Variants in PRPF6 observed in about 807,000 individuals in gnomAD.
The protein encoded by PRPF6 is pre-mRNA-processing factor 6.
In PRPF6, 42 loss-of-function variants were observed where a neutral mutation model predicts 118.3. The observed-to-expected ratio is 0.35, with a 90% confidence interval of 0.28 to 0.46. The LOEUF is 0.46. Among genes scored for constraint, PRPF6 ranks in the 20% least tolerant of loss-of-function variants. The probability of loss-of-function intolerance (pLI) is 1.00; values close to 1 mark genes in which losing one functional copy is unlikely to be tolerated. For missense variants in PRPF6, 662 were observed against 1,255.7 expected, an observed-to-expected ratio of 0.53 and a Z score of 7.15; for synonymous variants, 481 against 485.1, an observed-to-expected ratio of 0.99 and a Z score of 0.11.
chr20:63,982,533 G>A (rs1246338469), intron 1 of PRPF6, among the ~76,000 whole-genome samples: 1 of 152,216 alleles, frequency 6.6e-6, no homozygotes, highest in Non-Finnish European at 1.5e-5. Flanking sequence ...GGTTGAAGTA[G>A]AGGAAGGCTA....
chr20:63,989,804 C>T (rs1422053900), intron 3 of PRPF6, among the ~76,000 whole-genome samples: 2 of 151,770 alleles, frequency 1.3e-5, no homozygotes, highest in African/African-American at 4.8e-5. Context: ...TGAGCCACTG[C>T]GCCCAGCTCT....
intron 6 of PRPF6, among the ~76,000 whole-genome samples, chr20:63,995,772 T>C (rs1199069225): frequency 2.6e-5 from 4 of 151,934 alleles, no homozygotes; most frequent in African/African-American, 9.7e-5. Context: ...TTCTCCTACC[T>C]CAGCCTCCTG....
At chr20:63,994,885 A>T (rs767430134) in intron 4 of PRPF6, 31 bp from the exon 5 acceptor site, 19 of 1,613,862 alleles carry the variant, frequency 1.2e-5, no homozygotes, top group Middle Eastern at 1.6e-4. Context: ...CTGTCAGAGA[A>T]TTAATGTTTT....
At chr20:63,992,777 A>C (rs977792447) in intron 3 of PRPF6, among the ~76,000 whole-genome samples, 1 of 151,984 alleles carries the variant, frequency 6.6e-6, no homozygotes, top group African/African-American at 2.4e-5. Context: ...TGTGTTGCCC[A>C]GGCTGGAGTG....
intron 14 of PRPF6, 147 bp downstream of exon 14, chr20:64,024,840 A>G (rs1332282453): frequency 3.9e-6 from 5 of 1,272,232 alleles, no homozygotes; most frequent in African/African-American, 1.5e-5. Context: ...CCACAGGAGC[A>G]GGGGCCGTGA....
intron 9 of PRPF6, 42 bp downstream of exon 9, chr20:64,001,281 C>A: frequency 6.2e-7 from 1 of 1,608,292 alleles, no homozygotes; most frequent in Non-Finnish European, 8.5e-7. Flanking sequence ...CTCCTTGGGG[C>A]CCCTCCTCTC....
chr20:64,022,660 T>A, intron 12 of PRPF6, 97 bp from the exon 13 acceptor site: 1 of 1,541,244 alleles, frequency 6.5e-7, no homozygotes, highest in Non-Finnish European at 8.9e-7. Flanking sequence ...CTAGCAGATA[T>A]CATCTTTCAG....
At chr20:63,982,402 C>T (rs2059073963) in intron 1 of PRPF6, among the ~76,000 whole-genome samples, 1 of 151,952 alleles carries the variant, frequency 6.6e-6, no homozygotes, top group Non-Finnish European at 1.5e-5. Context: ...GAACTCCTGA[C>T]CTCATGATCC....
intron 2 of PRPF6, 49 bp downstream of exon 2, chr20:63,983,264 A>C: frequency 6.2e-7 from 1 of 1,610,964 alleles, no homozygotes; most frequent in Non-Finnish European, 8.5e-7. Flanking sequence ...CTCTGGGAGC[A>C]GCTGACCTAA....
rs774199266 is a variant in PRPF6, at chr20:64,032,897, G to A, written c.2730G>A (p.Glu910=). 1 of 1,613,270 alleles carries A rather than the reference G, an allele frequency of 6.2e-7. No homozygotes were observed. The change falls in exon 21 of 21, where the codon GAG becomes GAA. Residue 910 remains glutamate (E), a synonymous_variant. Transcript: ENST00000266079. ...AGAGTGCAGAGCCTCGGCATGGGGA[G>A]CTGTGGTGCGCCGTGTCCAAGGACA... ...RCESAEPRHG[E]LWCAVSKDIA... is the part of the protein sequence containing the mutation.
intron 3 of PRPF6, among the ~76,000 whole-genome samples, chr20:63,993,157 A>G (rs2059125608): frequency 1.3e-5 from 2 of 150,548 alleles, no homozygotes; most frequent in East Asian, 2.0e-4. Context: ...TGGAGGTTGC[A>G]GTGAGCTGAG....
Position 64,001,194 on chromosome 20 carries a change from G to C in PRPF6, c.1141G>C (p.Glu381Gln). The change falls in exon 9 of 21, where the codon GAG becomes CAG. Residue 381 changes from glutamate to glutamine, a missense_variant. Physicochemically the swap from Glu to Gln is conservative, Grantham distance 29. Around this residue, in one of 10 missense-constraint regions of PRPF6, gnomAD observed 189 missense variants for 323.5 expected, o/e 0.58. Coordinates refer to ENST00000266079, the MANE Select transcript of PRPF6 (RefSeq NM_012469.4). Reference sequence around the variant, plus strand: ...TGTCAGGATTTACATCAGAGCCGCAGAGCTGGAAACGGACATTCGTGCAAA... The same window carrying C: ...TGTCAGGATTTACATCAGAGCCGCACAGCTGGAAACGGACATTCGTGCAAA... ...QSVRIYIRAA[E>Q]LETDIRAKKR... The C allele has an allele frequency of 4.3e-6, 7 of 1,614,246 alleles. No individual in the cohort carries two copies. The highest frequency in any genetic ancestry group is 5.9e-6 in the Non-Finnish European group (7 of 1,180,048).
chr20:63,998,471 G>T (rs1305496171), intron 6 of PRPF6, among the ~76,000 whole-genome samples: 1 of 150,872 alleles, frequency 6.6e-6, no homozygotes, highest in Non-Finnish European at 1.5e-5. Context: ...GGAGCTGGAG[G>T]CTGCACTGAG....
chr20:63,993,340 A>G (rs570368726), intron 3 of PRPF6, 67 bp from the exon 4 acceptor site: 11 of 1,164,238 alleles, frequency 9.4e-6, no homozygotes, highest in Admixed American at 3.5e-5. Context: ...TTTAATTGAG[A>G]TGGATAATAA....
chr20:63,988,481 A>G (rs772954039), intron 3 of PRPF6, among the ~76,000 whole-genome samples: 1 of 152,042 alleles, frequency 6.6e-6, no homozygotes, highest in Non-Finnish European at 1.5e-5. Context: ...TGGGTAACAG[A>G]GTGAGACTCC....
chr20:63,997,355 G>C (rs1373352160), intron 6 of PRPF6, among the ~76,000 whole-genome samples: 1 of 149,072 alleles, frequency 6.7e-6, no homozygotes, highest in African/African-American at 2.5e-5. Context: ...CAATGGCATG[G>C]TCTTGGCTCA....
In PRPF6 at chr20:64,026,971, C is replaced by T. The variant is rs769394679; in HGVS notation, c.2029-11C>T. ...TGATGCCCTGCGTGACAGTGCATGT[C>T]TGCCCCACAGGTGTTCATGAAGTCT... On this transcript the variant is annotated splice_polypyrimidine_tract_variant and intron_variant, in intron 15 of 20. Transcript: ENST00000266079. This position sits in a 1 kb window ranked among gnomAD's most constrained non-coding sequence, Gnocchi z 4.4. 1 of 1,613,730 alleles carries T rather than the reference C, an allele frequency of 6.2e-7. No individual in the cohort carries two copies. The highest frequency in any genetic ancestry group is 1.3e-5 in the African/African-American group (1 of 75,024).
intron 12 of PRPF6, among the ~76,000 whole-genome samples, chr20:64,022,111 A>G (rs144925776): frequency 6.6e-6 from 1 of 152,234 alleles, no homozygotes; most frequent in East Asian, 1.9e-4. Flanking sequence ...CACCTCTCGC[A>G]GGCCAAGGAA....
intron 19 of PRPF6, among the ~76,000 whole-genome samples, chr20:64,030,942 A>T (rs1232387147): frequency 6.6e-6 from 1 of 152,078 alleles, no homozygotes; most frequent in East Asian, 1.9e-4. Context: ...CCCTGAGGAG[A>T]GGGTGGCAGC....
Sources: gnomAD v4.1 joint callset for allele counts (sites outside exome capture counted in the v4.1 genomes callset) on GRCh38, gnomAD v4.1.1 for gene constraint, gnomAD v4.1.1 regional missense constraint, Gnocchi (gnomAD v3.1) non-coding constraint, MANE v1.5 for transcripts, NCBI Gene and HGNC (gene_info 2026-07-23, HGNC 2026-07-21) for gene names.